Variants in PPP4R4 observed in about 807,000 individuals in gnomAD.
PPP4R4 encodes the protein serine/threonine-protein phosphatase 4 regulatory subunit 4.
In PPP4R4, 70 loss-of-function variants were observed where a neutral mutation model predicts 121.8. That is an observed-to-expected ratio of 0.57 (90% CI 0.47 to 0.70). The LOEUF is 0.70. Ranked by LOEUF, PPP4R4 falls within the 30% of genes least tolerant of loss-of-function variation. The pLI is 0.00. For synonymous variants in PPP4R4, 348 were observed against 355.7 expected, an observed-to-expected ratio of 0.98 and a Z score of 0.24; for missense variants, 875 against 1,033.6, an observed-to-expected ratio of 0.85 and a Z score of 2.10.
At chr14:94,230,250 T>G (rs1474825283) in intron 3 of PPP4R4, among the ~76,000 whole-genome samples, 2 of 152,210 alleles carry the variant, frequency 1.3e-5, no homozygotes, top group African/African-American at 2.4e-5. Context: ...TGACAAACTG[T>G]CACAATCCAA....
Position 94,236,240 on chromosome 14 carries a change from CAT to C in PPP4R4, c.732-1324_732-1323del, listed in dbSNP as rs774073500. 3.5e-4 allele frequency among the ~76,000 whole-genome samples: 53 copies of C among 152,142 alleles called. 1 individual carries two copies. Among genetic ancestry groups the C allele is most frequent in the East Asian group, 1.9e-3 (10 of 5,184 alleles). ...TTAAGTTGAATTTGCATCACTGTCA[CAT>C]GTTTTTGAAAAAAAGAGAACTCTGT... On this transcript the variant is annotated intron_variant, in intron 7 of 24. Coordinates refer to ENST00000304338, the MANE Select transcript of PPP4R4 (RefSeq NM_058237.2).
intron 16 of PPP4R4, among the ~76,000 whole-genome samples, chr14:94,252,963 A>G (rs1204033511): frequency 2.0e-5 from 3 of 152,352 alleles, no homozygotes; most frequent in East Asian, 3.9e-4. Context: ...ATGAAGATGA[A>G]TTGTCAAAAG....
At chr14:94,256,912 A>G (rs937325170) in intron 17 of PPP4R4, among the ~76,000 whole-genome samples, 8 of 152,160 alleles carry the variant, frequency 5.3e-5, no homozygotes, top group Admixed American at 3.9e-4. Flanking sequence ...GACTTTCTTT[A>G]TAAGTGATTA....
intron 3 of PPP4R4, among the ~76,000 whole-genome samples, chr14:94,212,532 A>G (rs977249907): frequency 6.6e-6 from 1 of 152,182 alleles, no homozygotes; most frequent in Non-Finnish European, 1.5e-5. Flanking sequence ...AAATTTAGAA[A>G]GGAAATATTT....
chr14:94,237,693 C>G lies in PPP4R4; in HGVS notation c.853+7C>G. The G allele has an allele frequency of 6.2e-7, 1 of 1,610,886 alleles. No individual in the cohort carries two copies. The highest frequency in any genetic ancestry group is 8.5e-7 in the Non-Finnish European group (1 of 1,177,584). On this transcript the variant is annotated splice_region_variant and intron_variant, in intron 8 of 24. Coordinates refer to ENST00000304338, the MANE Select transcript of PPP4R4 (RefSeq NM_058237.2). Reference sequence around the variant, plus strand: ...CTTGATATATTTGATACAGGTAAATCATGTGGCTACATCTTTGCTTCTGAA... The same window carrying G: ...CTTGATATATTTGATACAGGTAAATGATGTGGCTACATCTTTGCTTCTGAA...
Position 94,235,382 on chromosome 14 carries a change from CTTGTTCTTTTTTTTTTTTTT to C in PPP4R4, c.731+716_731+735del, listed in dbSNP as rs1353145382. On this transcript the variant is annotated intron_variant, in intron 7 of 24. Coordinates refer to ENST00000304338, the MANE Select transcript of PPP4R4 (RefSeq NM_058237.2). ...TTCCAATGTTTGTTTTGTTGCTCTC[CTTGTTCTTTTTTTTTTTTTT>C]TTTTTTTTTTTTTTTGAGAGGGAGT... Among the ~76,000 whole-genome samples, 3 of 138,878 alleles carry C rather than the reference CTTGTTCTTTTTTTTTTTTTT, an allele frequency of 2.2e-5. No individual in the cohort carries two copies. In the South Asian group the frequency reaches 6.9e-4, roughly 32 times the overall value. The allele number at this position is 138,878 out of a possible 152,430, so 91.1% of individuals were successfully genotyped here. A position where few individuals can be genotyped will look rare whatever the true frequency, so the allele number is the denominator to read the frequency against.
rs547829378 is a variant in PPP4R4 at position 94,255,679 on chromosome 14, A to G, written c.1866-781A>G. Among the ~76,000 whole-genome samples the G allele has an allele frequency of 2.2e-4, 34 of 151,826 alleles. 3 individuals are homozygous for G. The South Asian group carries it at 6.7e-3, about 30-fold the overall frequency. On this transcript the variant is annotated intron_variant, in intron 16 of 24. Coordinates refer to ENST00000304338, the MANE Select transcript of PPP4R4 (RefSeq NM_058237.2). ...TGCTACCACTCTGGTTCAATGTACCATCATCTCTTGCCTGAATTATTGTAA... is the reference window on the plus strand; with the variant it reads ...TGCTACCACTCTGGTTCAATGTACCGTCATCTCTTGCCTGAATTATTGTAA...
chr14:94,195,245 GGAAACTTCTTA>G lies in PPP4R4; in HGVS notation c.192-13203_192-13193del, dbSNP rs527346582. On this transcript the variant is annotated intron_variant, in intron 2 of 24. Coordinates refer to ENST00000304338, the MANE Select transcript of PPP4R4 (RefSeq NM_058237.2). ...TGTGTGATCCCCAGTAGTATCACCT[GGAAACTTCTTA>G]GAAACTTCTTAGAAATCAAGTTCCC... 1.3e-3 allele frequency among the ~76,000 whole-genome samples: 203 copies of G among 152,200 alleles called. 8 individuals carry two copies. The South Asian group carries it at 0.04, about 30-fold the overall frequency.
chr14:94,256,308 A>G, intron 16 of PPP4R4, 152 bp from the exon 17 acceptor site: 1 of 573,314 alleles, frequency 1.7e-6, no homozygotes. Context: ...AGCATCCAGA[A>G]TGATGAATGT....
At chr14:94,271,725 C>A (rs773561720) in intron 23 of PPP4R4, among the ~76,000 whole-genome samples, 10 of 152,114 alleles carry the variant, frequency 6.6e-5, no homozygotes, top group Non-Finnish European at 1.2e-4. Context: ...ATAACATGAT[C>A]ATCTATGTAG....
intron 8 of PPP4R4, among the ~76,000 whole-genome samples, chr14:94,238,505 G>A (rs1892462541): frequency 6.6e-6 from 1 of 152,194 alleles, no homozygotes; most frequent in Non-Finnish European, 1.5e-5. Flanking sequence ...GAGATCTCAT[G>A]GCCATTGGGG....
At chr14:94,203,982 G>A (rs1028902462) in intron 2 of PPP4R4, among the ~76,000 whole-genome samples, 6 of 152,104 alleles carry the variant, frequency 3.9e-5, no homozygotes, top group African/African-American at 1.2e-4. Flanking sequence ...CTCCCAGTCT[G>A]TGGCTTGTCT....
intron 3 of PPP4R4, chr14:94,227,139 CGT>C: frequency 1.6e-6 from 1 of 620,326 alleles, no homozygotes; most frequent in East Asian, 2.9e-5. Context: ...AACTTGGAAA[CGT>C]GCCATTAACT....
rs143131287 is a variant in PPP4R4, at chr14:94,275,509, G to A, written c.2585G>A (p.Arg862Gln). 1.2e-6 allele frequency: 2 copies of A among 1,613,998 alleles called. No homozygotes were observed. Among genetic ancestry groups the A allele is most frequent in the Non-Finnish European group, 1.7e-6 (2 of 1,179,938 alleles). ...AGTGGAAGTAAAGATACACAACCAC[G>A]GAAGGCTACCTTGTAAGTAATCAAG... The part of the protein sequence containing the change: ...KSSGSKDTQP[R>Q]KATLKSRKSN... The change falls in exon 24 of 25, where the codon CGG (arginine) becomes CAG (glutamine). Residue 862 changes from arginine (R) to glutamine (Q), a missense_variant. Transcript: ENST00000304338.
chr14:94,194,299 C>T (rs1164858069), intron 2 of PPP4R4, among the ~76,000 whole-genome samples: 2 of 151,992 alleles, frequency 1.3e-5, no homozygotes, highest in African/African-American at 4.8e-5. Flanking sequence ...GTTGAGTGGG[C>T]TTGTGTTCAT....
At chr14:94,245,469 A>G (rs941879003) in intron 12 of PPP4R4, 118 bp from the exon 13 acceptor site, 1 of 498,842 alleles carries the variant, frequency 2.0e-6, no homozygotes, top group Admixed American at 4.0e-5. Context: ...ACAAATCCTC[A>G]AAATGTTATT....
intron 3 of PPP4R4, among the ~76,000 whole-genome samples, chr14:94,228,042 CATG>C (rs1476546027): frequency 6.6e-6 from 1 of 152,158 alleles, no homozygotes; most frequent in Non-Finnish European, 1.5e-5. Context: ...CAAGAACTCT[CATG>C]ATATGTAACT....
In PPP4R4 at chr14:94,260,777, A is replaced by G. The variant is rs530342015; in HGVS notation, c.2127+1408A>G. 2.0e-4 allele frequency among the ~76,000 whole-genome samples: 31 copies of G among 152,138 alleles called. No homozygotes were observed. In the South Asian group the frequency reaches 3.9e-3, roughly 19 times the overall value. Reference sequence around the variant, plus strand: ...CTTGGAGTCTGAGGCTTATCTGTTCATTTATTAATGGTGTCTTTTGAACAA... The same window carrying G: ...CTTGGAGTCTGAGGCTTATCTGTTCGTTTATTAATGGTGTCTTTTGAACAA... On this transcript the variant is annotated intron_variant, in intron 19 of 24. Transcript: ENST00000304338.
At chr14:94,216,571 A>G (rs1891033681) in intron 3 of PPP4R4, among the ~76,000 whole-genome samples, 1 of 152,204 alleles carries the variant, frequency 6.6e-6, no homozygotes, top group Non-Finnish European at 1.5e-5. Context: ...CTAGGGGACA[A>G]GGCAGGAGAT....
Sources: gnomAD v4.1 joint callset for allele counts (sites outside exome capture counted in the v4.1 genomes callset) on GRCh38, gnomAD v4.1.1 for gene constraint, MANE v1.5 for transcripts, NCBI Gene and HGNC (gene_info 2026-07-23, HGNC 2026-07-21) for gene names.